TRHDE: variants seen among roughly 807,000 people sequenced by gnomAD.
The protein encoded by TRHDE is thyrotropin releasing hormone degrading enzyme.
A neutral mutation model predicts 125.7 loss-of-function variants in TRHDE; 72 were observed. That is an observed-to-expected ratio of 0.57 (90% CI 0.47 to 0.70). TRHDE has a LOEUF of 0.70. Ranked by LOEUF, TRHDE falls within the 30% of genes least tolerant of loss-of-function variation. The probability of loss-of-function intolerance (pLI) is 0.00; values close to 1 mark genes in which losing one functional copy is unlikely to be tolerated. For missense variants in TRHDE, 1,110 were observed against 1,327.1 expected (o/e 0.84, Z 2.54); for synonymous variants, 509 against 509.1 (o/e 1.00, Z 0.00).
upstream of TRHDE, chr12:72,271,774 C>T (rs578186985): frequency 2.5e-6 from 1 of 393,974 alleles, no homozygotes; most frequent in Admixed American, 2.7e-5. Context: ...GACATACGCA[C>T]TTCGGCTCTC....
At chr12:72,519,592 T>A (rs1879069628) in intron 6 of TRHDE, among the ~76,000 whole-genome samples, 3 of 152,214 alleles carry the variant, frequency 2.0e-5, no homozygotes, top group Non-Finnish European at 4.4e-5. Context: ...GGTTTGAATG[T>A]CCTCCAGTAG....
At chr12:72,474,856 G>A (rs1161081225) in intron 5 of TRHDE, among the ~76,000 whole-genome samples, 3 of 151,544 alleles carry the variant, frequency 2.0e-5, no homozygotes, top group Non-Finnish European at 4.4e-5. Context: ...AACGACTCCT[G>A]CTGAGAAAAA....
intron 5 of TRHDE, among the ~76,000 whole-genome samples, chr12:72,479,851 C>T (rs1454352754): frequency 2.0e-5 from 3 of 147,874 alleles, no homozygotes; most frequent in African/African-American, 7.5e-5. Context: ...TGTGATGTTC[C>T]CCTTCCTGTG....
intron 3 of TRHDE, among the ~76,000 whole-genome samples, chr12:72,448,660 A>AC: frequency 6.6e-6 from 1 of 152,116 alleles, no homozygotes; most frequent in African/African-American, 2.4e-5. Context: ...ATTACAACTT[A>AC]CTATCTCTAA....
intron 12 of TRHDE, among the ~76,000 whole-genome samples, chr12:72,598,460 C>A (rs1171412732): frequency 6.6e-6 from 1 of 152,136 alleles, no homozygotes; most frequent in Non-Finnish European, 1.5e-5. Flanking sequence ...TGAATACAAA[C>A]CAATGTCCCA....
chr12:72,334,901 C>A (rs572806332), intron 2 of TRHDE, among the ~76,000 whole-genome samples: 145 of 152,198 alleles, frequency 9.5e-4, no homozygotes, highest in South Asian at 7.7e-3. Flanking sequence ...GGCAGGGGGA[C>A]GGAAGAGAGC....
chr12:72,460,978 A>T (rs1217369043), intron 3 of TRHDE, among the ~76,000 whole-genome samples: 1 of 152,190 alleles, frequency 6.6e-6, no homozygotes, highest in African/African-American at 2.4e-5. Flanking sequence ...AATTGACAGT[A>T]ATCAGTAAAT....
chr12:72,190,962 C>T (rs2073666330), intron 2 of TRHDE, among the ~76,000 whole-genome samples: 1 of 152,200 alleles, frequency 6.6e-6, no homozygotes, highest in South Asian at 2.1e-4. Context: ...AATAGTTACT[C>T]ATTCTGGATT....
At chr12:72,480,029 A>G (rs1218801872) in intron 5 of TRHDE, among the ~76,000 whole-genome samples, 1 of 150,084 alleles carries the variant, frequency 6.7e-6, no homozygotes, top group Non-Finnish European at 1.5e-5. Flanking sequence ...TCCATGGTGT[A>G]TATGTGCCAC....
At chr12:72,571,011 T>A (rs1336279935) in intron 10 of TRHDE, among the ~76,000 whole-genome samples, 1 of 152,216 alleles carries the variant, frequency 6.6e-6, no homozygotes, top group African/African-American at 2.4e-5. Context: ...AATACAAAAA[T>A]CTGCAAAGTT....
chr12:72,663,255 G>A lies in TRHDE; in HGVS notation c.*60G>A. On this transcript the variant is annotated 3_prime_UTR_variant, in exon 19 of 19. Transcript: ENST00000261180. ...AAGTTTATGAGAAGACACGCTTTTTGTGGAATGAGGAAAATGTACTACCTA... is the reference window on the plus strand; with the variant it reads ...AAGTTTATGAGAAGACACGCTTTTTATGGAATGAGGAAAATGTACTACCTA... 1 of 1,389,676 alleles carries A rather than the reference G, an allele frequency of 7.2e-7. No homozygotes were observed. The highest frequency in any genetic ancestry group is 9.7e-7 in the Non-Finnish European group (1 of 1,035,706). 86.1% of individuals were successfully genotyped at this position (1,389,676 alleles called of 1,614,324 possible).
rs565039085 is a variant in TRHDE, at chr12:72,627,189, C to T, written c.2675+5438C>T. On this transcript the variant is annotated intron_variant, in intron 15 of 18. Transcript: ENST00000261180. ...GTCAGTTAACTTCTCAAAATCTCAA[C>T]TGTATTTCTGAAGTAAGGAGATTGC... Among the ~76,000 whole-genome samples, 12 of 151,890 alleles carry T rather than the reference C, an allele frequency of 7.9e-5. 1 individual carries two copies. Among genetic ancestry groups the T allele is most frequent in the Non-Finnish European group, 1.3e-4 (9 of 67,894 alleles).
At position 72,342,967 on chromosome 12, in the gene TRHDE, A is replaced by G. The variant is rs566242526; in HGVS notation, c.1189-35028A>G. Among the ~76,000 whole-genome samples the G allele has an allele frequency of 2.1e-4, 32 of 152,246 alleles. No homozygotes were observed. The East Asian group carries it at 2.1e-3, about 10-fold the overall frequency. The stretch of plus-strand genomic sequence containing the variant: ...ACACATGTAATAATTCTAACGTCCT[A>G]TGAGGTGGGTCCTGTTACTACCTCC... On this transcript the variant is annotated intron_variant, in intron 2 of 18. Coordinates refer to ENST00000261180, the MANE Select transcript of TRHDE (RefSeq NM_013381.3).
At chr12:72,160,486 A>G (rs1222195610) in intron 2 of TRHDE, among the ~76,000 whole-genome samples, 2 of 152,134 alleles carry the variant, frequency 1.3e-5, no homozygotes, top group Non-Finnish European at 1.5e-5. Context: ...GCAGTTTTCA[A>G]CACTAGCCTG....
intron 2 of TRHDE, among the ~76,000 whole-genome samples, chr12:72,119,957 G>A (rs566355120): frequency 1.3e-5 from 2 of 151,990 alleles, no homozygotes; most frequent in Non-Finnish European, 2.9e-5. Flanking sequence ...AAATCATTGG[G>A]CCTTTTATTT....
chr12:72,211,794 A>G (rs1877788481), intron 2 of TRHDE, among the ~76,000 whole-genome samples: 2 of 152,338 alleles, frequency 1.3e-5, no homozygotes, highest in Admixed American at 1.3e-4. Flanking sequence ...ATAATAGAAT[A>G]AAGCTAATTT....
intron 3 of TRHDE, among the ~76,000 whole-genome samples, chr12:72,431,313 C>G (rs1874468312): frequency 6.6e-6 from 1 of 152,006 alleles, no homozygotes; most frequent in African/African-American, 2.4e-5. Flanking sequence ...TAAAAAATGC[C>G]ACAAACACCA....
At chr12:72,433,746 C>CTTTTT (rs35623228) in intron 3 of TRHDE, among the ~76,000 whole-genome samples, 4 of 146,022 alleles carry the variant, frequency 2.7e-5, no homozygotes, top group Non-Finnish European at 4.5e-5. Flanking sequence ...GACAAATAAA[C>CTTTTT]TTTTTTTTTT....
intron 1 of TRHDE, among the ~76,000 whole-genome samples, chr12:72,100,714 C>T (rs1875047478): frequency 6.6e-6 from 1 of 152,190 alleles, no homozygotes; most frequent in South Asian, 2.1e-4. Context: ...TTTCTCCTGG[C>T]TGTACTTACC....
Sources: allele counts gnomAD v4.1 joint callset (sites outside exome capture counted in the v4.1 genomes callset), GRCh38; gene constraint gnomAD v4.1.1; transcripts MANE v1.5; gene names NCBI Gene and HGNC (gene_info 2026-07-23, HGNC 2026-07-21).